KCND2: variants seen among roughly 807,000 people sequenced by gnomAD.
KCND2 encodes A-type voltage-gated potassium channel KCND2.
KCND2 carries 16 observed loss-of-function variants against 54.4 expected under a neutral mutation model. The ratio of observed to expected loss-of-function variants is 0.29; its 90% CI spans 0.20 to 0.45. The LOEUF is 0.45. Among genes scored for constraint, KCND2 ranks in the 20% least tolerant of loss-of-function variants. KCND2 has a pLI of 1.00. For missense variants in KCND2, 486 were observed against 824.2 expected, an observed-to-expected ratio of 0.59 and a Z score of 5.02; for synonymous variants, 317 against 310.7, an observed-to-expected ratio of 1.02 and a Z score of -0.21.
intron 1 of KCND2, among the ~76,000 whole-genome samples, chr7:120,663,573 C>T (rs1791891689): frequency 6.6e-6 from 1 of 152,094 alleles, no homozygotes; most frequent in Admixed American, 6.6e-5. Flanking sequence ...TAATAATTTA[C>T]CTCCACCATT....
chr7:120,407,343 G>A (rs545369894), intron 1 of KCND2, among the ~76,000 whole-genome samples: 1 of 152,058 alleles, frequency 6.6e-6, no homozygotes, highest in South Asian at 2.1e-4. Flanking sequence ...TACATAAGAA[G>A]TACACATTAT....
intron 1 of KCND2, among the ~76,000 whole-genome samples, chr7:120,451,019 C>T (rs901637387): frequency 6.6e-6 from 1 of 152,168 alleles, no homozygotes; most frequent in Non-Finnish European, 1.5e-5. Context: ...CCTTCCTTCC[C>T]TTCTCCTATC....
chr7:120,636,219 TA>T, intron 1 of KCND2, among the ~76,000 whole-genome samples: 1 of 152,162 alleles, frequency 6.6e-6, no homozygotes, highest in African/African-American at 2.4e-5. Flanking sequence ...AATGATGACC[TA>T]AAAAAACTCA....
At chr7:120,531,209 G>A (rs139695353) in intron 1 of KCND2, among the ~76,000 whole-genome samples, 285 of 151,872 alleles carry the variant, frequency 1.9e-3, no homozygotes, top group Middle Eastern at 0.014. Flanking sequence ...CTCCAACATC[G>A]TGTCTCCTCC....
intron 1 of KCND2, among the ~76,000 whole-genome samples, chr7:120,321,639 T>C (rs1799894483): frequency 6.6e-6 from 1 of 152,154 alleles, no homozygotes; most frequent in Non-Finnish European, 1.5e-5. Context: ...TGAAAGTACA[T>C]TGCATTGTGC....
intron 1 of KCND2, among the ~76,000 whole-genome samples, chr7:120,574,933 C>T (rs1792409820): frequency 6.6e-6 from 1 of 151,482 alleles, no homozygotes; most frequent in African/African-American, 2.4e-5. Context: ...TTTAAAATTT[C>T]TTACTTATAA....
intron 1 of KCND2, among the ~76,000 whole-genome samples, chr7:120,526,184 C>A (rs2116355791): frequency 6.6e-6 from 1 of 152,234 alleles, no homozygotes. Context: ...GTACAATTCA[C>A]CAGACATCAC....
At position 120,712,425 on chromosome 7, in the gene KCND2, A is replaced by AT. The variant is rs1160485246; in HGVS notation, c.1116-20467dup. Among the ~76,000 whole-genome samples the AT allele has an allele frequency of 7.7e-3, 1,083 of 140,458 alleles. 12 individuals carry two copies. The highest frequency in any genetic ancestry group is 0.025 in the African/African-American group (969 of 38,502). The allele number at this position is 140,458 out of a possible 152,430, so 92.1% of individuals were successfully genotyped here. On this transcript the variant is annotated intron_variant, in intron 1 of 5. Coordinates refer to ENST00000331113, the MANE Select transcript of KCND2 (RefSeq NM_012281.3). ...ATTATAGGTGCCCGCTACCACGCCC[A>AT]TTTTTTTTTTTCTCCAGTAGAGGCA...
intron 1 of KCND2, among the ~76,000 whole-genome samples, chr7:120,568,243 A>G (rs1161191714): frequency 1.3e-5 from 2 of 152,104 alleles, no homozygotes; most frequent in African/African-American, 2.4e-5. Context: ...TAAGCTAAAA[A>G]ATTATCAGCC....
intron 1 of KCND2, among the ~76,000 whole-genome samples, chr7:120,607,743 T>C (rs1239157113): frequency 6.6e-6 from 1 of 151,964 alleles, no homozygotes; most frequent in Non-Finnish European, 1.5e-5. Context: ...CTTGAAAGAA[T>C]AAGTAGGGGA....
chr7:120,737,060 AC>A (rs1562924267), intron 2 of KCND2, among the ~76,000 whole-genome samples: 11 of 144,658 alleles, frequency 7.6e-5, no homozygotes, highest in African/African-American at 2.6e-4. Context: ...ACACACACAC[AC>A]ACACACACAC....
rs553461476 is a variant in KCND2 at position 120,634,171 on chromosome 7, A to G, written c.1116-98732A>G. ...TAGGCTCACATTTCAACCCGAGGCA[A>G]GAAACTTGCTTCAACTCTTTGAGCC... On this transcript the variant is annotated intron_variant, in intron 1 of 5. Transcript: ENST00000331113. 9.7e-4 allele frequency among the ~76,000 whole-genome samples: 147 copies of G among 152,322 alleles called. 1 individual carries two copies. The highest frequency in any genetic ancestry group is 3.4e-3 in the African/African-American group (142 of 41,582).
At position 120,345,389 on chromosome 7, in the gene KCND2, G is replaced by A. The variant is rs1800300920; in HGVS notation, c.1115+69642G>A. Reference sequence around the variant, plus strand: ...AGTAATTTTTTAAAGTGAAAGTCTAGATGAAAAAAAATTGTGGTAACATCT... The same window carrying A: ...AGTAATTTTTTAAAGTGAAAGTCTAAATGAAAAAAAATTGTGGTAACATCT... On this transcript the variant is annotated intron_variant, in intron 1 of 5. Coordinates refer to ENST00000331113, the MANE Select transcript of KCND2 (RefSeq NM_012281.3). 3.9e-5 allele frequency among the ~76,000 whole-genome samples: 6 copies of A among 151,940 alleles called. No individual in the cohort carries two copies. In the South Asian group the frequency reaches 1.2e-3, roughly 31 times the overall value.
intron 1 of KCND2, among the ~76,000 whole-genome samples, chr7:120,462,051 G>A (rs1038092725): frequency 6.6e-6 from 1 of 152,116 alleles, no homozygotes; most frequent in Non-Finnish European, 1.5e-5. Flanking sequence ...CATGGGATGT[G>A]TAAGAAGTGC....
At chr7:120,670,395 A>G (rs796909137) in intron 1 of KCND2, among the ~76,000 whole-genome samples, 11 of 152,158 alleles carry the variant, frequency 7.2e-5, no homozygotes, top group African/African-American at 2.4e-4. Context: ...CATTCATTGG[A>G]TAGTGTTAAA....
intron 1 of KCND2, among the ~76,000 whole-genome samples, chr7:120,652,316 C>T (rs1174612712): frequency 6.6e-6 from 1 of 152,056 alleles, no homozygotes; most frequent in African/African-American, 2.4e-5. Context: ...ATTCGTGGTC[C>T]ACTTGCCTTG....
At chr7:120,454,460 G>A (rs372283176) in intron 1 of KCND2, among the ~76,000 whole-genome samples, 5 of 152,190 alleles carry the variant, frequency 3.3e-5, no homozygotes, top group South Asian at 2.1e-4. Flanking sequence ...TAGAGGAAAC[G>A]GATAAACATC....
chr7:120,691,286 C>G (rs1792265370), intron 1 of KCND2, among the ~76,000 whole-genome samples: 1 of 152,148 alleles, frequency 6.6e-6, no homozygotes, highest in African/African-American at 2.4e-5. Context: ...CTAGGCTAAA[C>G]TAGACTTGGA....
intron 1 of KCND2, among the ~76,000 whole-genome samples, chr7:120,286,797 T>C (rs1263746529): frequency 6.6e-6 from 1 of 152,112 alleles, no homozygotes; most frequent in African/African-American, 2.4e-5. Context: ...TATATACTTA[T>C]TCATTCATTA....
Sources: gnomAD v4.1 joint callset for allele counts (sites outside exome capture counted in the v4.1 genomes callset) on GRCh38, gnomAD v4.1.1 for gene constraint, MANE v1.5 for transcripts, NCBI Gene and HGNC (gene_info 2026-07-23, HGNC 2026-07-21) for gene names.